The following HDAC9 variants were observed in gnomAD, a reference collection of about 807,000 sequenced individuals.
HDAC9 encodes histone deacetylase 9.
Under a neutral mutation model 139.4 loss-of-function variants are expected in HDAC9, and 41 were observed. That is an observed-to-expected ratio of 0.29 (90% CI 0.23 to 0.38). HDAC9 has a LOEUF of 0.38. HDAC9 is among the 10% of genes least tolerant of loss of function. The probability of loss-of-function intolerance (pLI) is 1.00; values close to 1 mark genes in which losing one functional copy is unlikely to be tolerated. For synonymous variants in HDAC9, 517 were observed against 476.2 expected (o/e 1.09, Z -1.12); for missense variants, 1,147 against 1,297.0 (o/e 0.88, Z 1.78).
At chr7:18,666,146 G>T (rs557142913) in intron 11 of HDAC9, 67 bp from the exon 12 acceptor site, 1 of 1,450,416 alleles carries the variant, frequency 6.9e-7, no homozygotes, top group East Asian at 2.3e-5. Flanking sequence ...AGAAATCAAA[G>T]TGTAATTTGC....
At chr7:18,607,016 A>G (rs1194244485) in intron 6 of HDAC9, among the ~76,000 whole-genome samples, 1 of 152,210 alleles carries the variant, frequency 6.6e-6, no homozygotes, top group African/African-American at 2.4e-5. Flanking sequence ...CAAATGTATA[A>G]TTTATACATT....
chr7:18,962,245 A>AC (rs750993140), intron 24 of HDAC9, among the ~76,000 whole-genome samples: 3 of 152,254 alleles, frequency 2.0e-5, no homozygotes, highest in Non-Finnish European at 2.9e-5. Flanking sequence ...AGAGGCCTTG[A>AC]CGTTAGAGTC....
chr7:18,992,920 T>TGTC (rs374654642), intron 25 of HDAC9, among the ~76,000 whole-genome samples: 28 of 152,340 alleles, frequency 1.8e-4, no homozygotes, highest in Non-Finnish European at 3.7e-4. Context: ...CCGAACTTAC[T>TGTC]GTCTTCAGCT....
intron 1 of HDAC9, among the ~76,000 whole-genome samples, chr7:18,106,684 C>T (rs1783228634): frequency 6.6e-6 from 1 of 152,132 alleles, no homozygotes; most frequent in Admixed American, 6.5e-5. Flanking sequence ...GAACTCCTAA[C>T]CTCAAATGAT....
intron 2 of HDAC9, among the ~76,000 whole-genome samples, chr7:18,243,468 C>G (rs1010415029): frequency 2.0e-5 from 3 of 152,222 alleles, no homozygotes; most frequent in African/African-American, 7.2e-5. Context: ...GGCCCAGTCA[C>G]ACAGTGATGA....
At chr7:18,479,592 C>T (rs1795382690) in intron 1 of HDAC9, among the ~76,000 whole-genome samples, 1 of 152,128 alleles carries the variant, frequency 6.6e-6, no homozygotes, top group Non-Finnish European at 1.5e-5. Flanking sequence ...TAAGTTCCTT[C>T]AAAATTATGA....
intron 1 of HDAC9, among the ~76,000 whole-genome samples, chr7:18,485,398 A>T (rs1306858072): frequency 6.6e-6 from 1 of 151,584 alleles, no homozygotes; most frequent in Admixed American, 6.6e-5. Context: ...CTACAGAGTG[A>T]TATTCATATG....
At chr7:18,412,020 G>A (rs139340519) in intron 1 of HDAC9, among the ~76,000 whole-genome samples, 6,717 of 151,460 alleles carry the variant, frequency 0.044, 172 homozygotes, top group East Asian at 0.08. Flanking sequence ...TAGAGAAGGG[G>A]TTTCACTGTG....
intron 16 of HDAC9, among the ~76,000 whole-genome samples, chr7:18,777,813 A>G (rs1273358650): frequency 6.6e-6 from 1 of 151,980 alleles, no homozygotes; most frequent in Non-Finnish European, 1.5e-5. Flanking sequence ...AGGCTGGGCA[A>G]TAGAGAATCC....
At chr7:18,952,644 T>C (rs1242598678) in intron 23 of HDAC9, among the ~76,000 whole-genome samples, 3 of 152,012 alleles carry the variant, frequency 2.0e-5, no homozygotes, top group Non-Finnish European at 1.5e-5. Context: ...CATAAGAGTT[T>C]TCCAAGTAAG....
chr7:18,282,729 G>A (rs903461324), intron 2 of HDAC9, among the ~76,000 whole-genome samples: 1 of 152,038 alleles, frequency 6.6e-6, no homozygotes, highest in African/African-American at 2.4e-5. Context: ...TAATAAATGA[G>A]TCTGGGTACT....
chr7:18,137,713 T>C (rs1785536586), intron 1 of HDAC9, among the ~76,000 whole-genome samples: 1 of 151,992 alleles, frequency 6.6e-6, no homozygotes, highest in South Asian at 2.1e-4. Context: ...TTGCCAGTAT[T>C]TTATTGAGAA....
intron 1 of HDAC9, among the ~76,000 whole-genome samples, chr7:18,388,292 C>T (rs941786405): frequency 1.3e-5 from 2 of 152,214 alleles, no homozygotes; most frequent in Non-Finnish European, 2.9e-5. Context: ...TCCCTTGACA[C>T]TGATCCTCCT....
chr7:18,407,370 C>T (rs1438562219), intron 1 of HDAC9, among the ~76,000 whole-genome samples: 1 of 152,182 alleles, frequency 6.6e-6, no homozygotes, highest in Admixed American at 6.5e-5. Context: ...TAATGTTGCA[C>T]ATTAAAATCT....
rs374387120 is a variant in HDAC9, at chr7:18,483,337, C to T, written c.-41-12925C>T. ...AAAGCATTGATATACAGACAGGATA[C>T]AGTGATTTTGAAGAACCTAAGTAAA... is the stretch of plus-strand genomic sequence containing the variant. On this transcript the variant is annotated intron_variant, in intron 1 of 3. Transcript: ENST00000413509. Among the ~76,000 whole-genome samples the T allele has an allele frequency of 2.6e-5, 4 of 152,206 alleles. No individual in the cohort carries two copies. In the East Asian group the frequency reaches 5.8e-4, roughly 22 times the overall value.
At chr7:18,657,660 G>A (rs1197242789) in intron 11 of HDAC9, among the ~76,000 whole-genome samples, 4 of 152,076 alleles carry the variant, frequency 2.6e-5, no homozygotes, top group African/African-American at 7.2e-5. Context: ...AGAAATCTTG[G>A]TTAAGAATTC....
At chr7:18,445,666 C>G (rs932483261) in intron 1 of HDAC9, among the ~76,000 whole-genome samples, 5 of 152,174 alleles carry the variant, frequency 3.3e-5, no homozygotes, top group African/African-American at 1.2e-4. Context: ...ATAACCAGGC[C>G]TATCTATTCC....
chr7:18,846,588 T>C (rs1274203673), intron 21 of HDAC9, among the ~76,000 whole-genome samples: 1 of 152,230 alleles, frequency 6.6e-6, no homozygotes, highest in African/African-American at 2.4e-5. Context: ...CTTTCAGAAG[T>C]ACGAAGACTT....
intron 25 of HDAC9, among the ~76,000 whole-genome samples, chr7:18,983,788 G>T (rs568584588): frequency 3.3e-5 from 5 of 151,928 alleles, no homozygotes; most frequent in Non-Finnish European, 7.4e-5. Context: ...GCCTTTTATT[G>T]TGGGTGTGGA....
Sources: allele counts gnomAD v4.1 joint callset (sites outside exome capture counted in the v4.1 genomes callset), GRCh38; gene constraint gnomAD v4.1.1; transcripts MANE v1.5; gene names NCBI Gene and HGNC (gene_info 2026-07-23, HGNC 2026-07-21).